CWC27: variants seen among roughly 807,000 people sequenced by gnomAD.
CWC27 encodes spliceosome-associated protein CWC27 homolog.
Under a neutral mutation model 63.6 loss-of-function variants are expected in CWC27, and 47 were observed. The ratio of observed to expected loss-of-function variants is 0.74; its 90% confidence interval spans 0.58 to 0.94. CWC27 has a LOEUF of 0.94. CWC27 is among the 40% of genes least tolerant of loss of function. The pLI is 0.00. For synonymous variants in CWC27, 175 were observed against 179.8 expected, an observed-to-expected ratio of 0.97 and a Z score of 0.22; for missense variants, 495 against 554.3, an observed-to-expected ratio of 0.89 and a Z score of 1.07.
chr5:64,962,307 A>G (rs1748925622), intron 11 of CWC27, among the ~76,000 whole-genome samples: 1 of 152,226 alleles, frequency 6.6e-6, no homozygotes, highest in Non-Finnish European at 1.5e-5. Flanking sequence ...GAAGAGAGAA[A>G]AGAAGGTAAG....
chr5:64,893,395 C>T (rs1747287851), intron 11 of CWC27, among the ~76,000 whole-genome samples: 1 of 152,122 alleles, frequency 6.6e-6, no homozygotes, highest in Admixed American at 6.6e-5. Context: ...TAGTGTAAAC[C>T]TGTGAATATG....
chr5:64,953,024 G>A (rs1580746540), intron 11 of CWC27, among the ~76,000 whole-genome samples: 2 of 152,234 alleles, frequency 1.3e-5, no homozygotes, highest in Middle Eastern at 3.4e-3. Context: ...AAGTTGCCAT[G>A]TGAGGCATTT....
chr5:64,949,799 T>C (rs1461334031), intron 11 of CWC27, among the ~76,000 whole-genome samples: 1 of 152,022 alleles, frequency 6.6e-6, no homozygotes, highest in Non-Finnish European at 1.5e-5. Flanking sequence ...AATATTCAAG[T>C]AGTTGTTTAA....
intron 10 of CWC27, among the ~76,000 whole-genome samples, chr5:64,870,002 G>C (rs992133257): frequency 6.6e-6 from 1 of 152,026 alleles, no homozygotes; most frequent in African/African-American, 2.4e-5. Context: ...AAAAATGAGA[G>C]TGAAAAGGTA....
At chr5:64,880,684 T>C (rs1397884474) in intron 10 of CWC27, among the ~76,000 whole-genome samples, 1 of 151,894 alleles carries the variant, frequency 6.6e-6, no homozygotes, top group Non-Finnish European at 1.5e-5. Context: ...AAATTCTTTT[T>C]TCCATTAGGG....
At chr5:64,788,049 A>G (rs1743945191) in intron 6 of CWC27, among the ~76,000 whole-genome samples, 1 of 152,168 alleles carries the variant, frequency 6.6e-6, no homozygotes, top group African/African-American at 2.4e-5. Flanking sequence ...TGAGCCAGAC[A>G]CTTTAATAAG....
rs910452901 is a variant in CWC27 at position 64,774,716 on chromosome 5, A to G, written c.68A>G (p.Asp23Gly). ...GTTTTATTGAAAACTACAGCTGGAG[A>G]TATTGACATAGAGTTGTGGTCCAAA... ...GKVLLKTTAG[D>G]IDIELWSKEA... Residue 23 changes from aspartate to glycine, a missense_variant, in exon 2 of 14, where the codon GAT becomes GGT. This residue lies in a region of CWC27 where 463 missense variants were observed against 498.1 expected (regional missense o/e 0.93). Transcript: ENST00000381070. 2 of 1,595,424 alleles carry G rather than the reference A, an allele frequency of 1.3e-6. No homozygotes were observed. The highest frequency in any genetic ancestry group is 1.7e-6 in the Non-Finnish European group (2 of 1,172,312).
intron 10 of CWC27, among the ~76,000 whole-genome samples, chr5:64,823,363 A>C (rs533713781): frequency 6.6e-6 from 1 of 152,354 alleles, no homozygotes; most frequent in African/African-American, 2.4e-5. Context: ...GGTAATTGAC[A>C]ATAGTTATTA....
intron 10 of CWC27, among the ~76,000 whole-genome samples, chr5:64,831,945 T>C (rs1003730372): frequency 1.3e-5 from 2 of 151,964 alleles, no homozygotes; most frequent in East Asian, 3.9e-4. Flanking sequence ...AAGGCAAATC[T>C]GGCTTTACAT....
Position 64,820,547 on chromosome 5 carries a change from GA to G in CWC27, c.938+16170del, listed in dbSNP as rs1160890149. Among the ~76,000 whole-genome samples the G allele has an allele frequency of 4.7e-4, 70 of 149,040 alleles. 1 individual carries two copies. The East Asian group carries it at 0.013, about 27-fold the overall frequency. On this transcript the variant is annotated intron_variant, in intron 10 of 13. Transcript: ENST00000381070. The stretch of plus-strand genomic sequence containing the variant: ...ACATACCTATTAAATCTTAAAGAAG[GA>G]AAAAAAAAGAAAAGATGGTTAAAAG...
At chr5:64,880,089 T>A (rs1361594894) in intron 10 of CWC27, among the ~76,000 whole-genome samples, 1 of 152,030 alleles carries the variant, frequency 6.6e-6, no homozygotes, top group Non-Finnish European at 1.5e-5. Context: ...CACATCACAG[T>A]TCACATGCTT....
chr5:65,006,990 GAAAGAAAGAAAGAAAGA>G (rs1447059937), intron 13 of CWC27, among the ~76,000 whole-genome samples: 104 of 148,920 alleles, frequency 7.0e-4, no homozygotes, highest in African/African-American at 2.4e-3. Context: ...AAGAAAGAAA[GAAAGAAAGAAAGAAAGA>G]AAGAAAGAAA....
intron 10 of CWC27, among the ~76,000 whole-genome samples, chr5:64,850,660 C>T (rs912191898): frequency 2.0e-5 from 3 of 151,926 alleles, no homozygotes; most frequent in Non-Finnish European, 2.9e-5. Flanking sequence ...GCAAGCCAGA[C>T]GTCTAATAAA....
intron 10 of CWC27, among the ~76,000 whole-genome samples, chr5:64,805,444 T>G (rs1744635765): frequency 6.6e-6 from 1 of 151,690 alleles, no homozygotes; most frequent in African/African-American, 2.4e-5. Context: ...ATTCATAGAG[T>G]TGAAAAACCT....
intron 10 of CWC27, among the ~76,000 whole-genome samples, chr5:64,860,429 G>A (rs905537479): frequency 6.6e-6 from 1 of 152,082 alleles, no homozygotes; most frequent in Non-Finnish European, 1.5e-5. Context: ...CCTATGAACT[G>A]CCCTTGGTTT....
At chr5:64,896,782 G>A (rs1161189774) in intron 11 of CWC27, among the ~76,000 whole-genome samples, 1 of 151,684 alleles carries the variant, frequency 6.6e-6, no homozygotes, top group Non-Finnish European at 1.5e-5. Flanking sequence ...AGAGATAGGA[G>A]AAATAAAATG....
intron 11 of CWC27, among the ~76,000 whole-genome samples, chr5:64,896,343 A>G (rs1190470378): frequency 6.6e-6 from 1 of 152,222 alleles, no homozygotes; most frequent in Non-Finnish European, 1.5e-5. Flanking sequence ...TGTAAGACCT[A>G]TAATACAAAG....
chr5:64,899,346 A>AT (rs1747451404), intron 11 of CWC27, among the ~76,000 whole-genome samples: 1 of 152,230 alleles, frequency 6.6e-6, no homozygotes, highest in Non-Finnish European at 1.5e-5. Flanking sequence ...ATTCATCTCT[A>AT]TATGCCTAAT....
At chr5:64,794,481 G>A (rs1021105591) in intron 7 of CWC27, among the ~76,000 whole-genome samples, 18 of 151,980 alleles carry the variant, frequency 1.2e-4, no homozygotes, top group African/African-American at 3.9e-4. Context: ...CTGGAATAAG[G>A]ATTTTAACAT....
Sources: gnomAD v4.1 joint callset for allele counts (sites outside exome capture counted in the v4.1 genomes callset) on GRCh38, gnomAD v4.1.1 for gene constraint, gnomAD v4.1.1 regional missense constraint, MANE v1.5 for transcripts, NCBI Gene and HGNC (gene_info 2026-07-23, HGNC 2026-07-21) for gene names.